The following SLC14A2 variants were observed in gnomAD, a reference collection of about 807,000 sequenced individuals.
The protein encoded by SLC14A2 is urea transporter 2.
SLC14A2 carries 91 observed loss-of-function variants against 104.6 expected under a neutral mutation model. That is an observed-to-expected ratio of 0.87 (90% CI 0.73 to 1.04). The LOEUF (loss-of-function observed/expected upper bound fraction) is 1.04, where lower values mean the gene tolerates loss of function less well. Ranked by LOEUF, SLC14A2 falls within the 50% of genes least tolerant of loss-of-function variation. The probability of loss-of-function intolerance (pLI) is 0.00; values close to 1 mark genes in which losing one functional copy is unlikely to be tolerated. For synonymous variants in SLC14A2, 476 were observed against 466.4 expected (o/e 1.02, Z -0.27); for missense variants, 1,189 against 1,156.0 (o/e 1.03, Z -0.41).
At chr18:45,637,301 G>A (rs2045435021) in intron 6 of SLC14A2, 119 bp downstream of exon 6, 3 of 746,646 alleles carry the variant, frequency 4.0e-6, no homozygotes, top group Non-Finnish European at 6.5e-6. Context: ...ACCAGATGAT[G>A]GGCCTCAGCA....
chr18:45,637,500 G>T lies in SLC14A2; in HGVS notation c.843+318G>T, dbSNP rs1024226980. 7.9e-5 allele frequency among the ~76,000 whole-genome samples: 12 copies of T among 152,312 alleles called. No individual in the cohort carries two copies. In the East Asian group the frequency reaches 2.1e-3, roughly 27 times the overall value. On this transcript the variant is annotated intron_variant, in intron 6 of 19. Coordinates refer to ENST00000255226, the MANE Select transcript of SLC14A2 (RefSeq NM_007163.4). Reference sequence around the variant, plus strand: ...TGAACAGATAAGCGTTGACAGTACAGAACTGTGGTGGTTGAGTGAAAGATA... The same window carrying T: ...TGAACAGATAAGCGTTGACAGTACATAACTGTGGTGGTTGAGTGAAAGATA...
chr18:45,620,494 C>A (rs1684010827), intron 1 of SLC14A2, among the ~76,000 whole-genome samples: 2 of 152,066 alleles, frequency 1.3e-5, no homozygotes, highest in Admixed American at 1.3e-4. Flanking sequence ...AGGTGGAGTA[C>A]CTTTTTGGAG....
At chr18:45,237,744 G>GAT (rs1568115378) in intron 1 of SLC14A2, among the ~76,000 whole-genome samples, 1 of 152,200 alleles carries the variant, frequency 6.6e-6, no homozygotes, top group African/African-American at 2.4e-5. Context: ...GGAGGCAAAA[G>GAT]ATGATTCTCC....
In SLC14A2 at chr18:45,281,003, G is replaced by A. The variant is rs967472495; in HGVS notation, c.-125+67812G>A. Among the ~76,000 whole-genome samples the A allele has an allele frequency of 1.6e-4, 24 of 151,988 alleles. 1 individual carries two copies. Among genetic ancestry groups the A allele is most frequent in the Admixed American group, 9.8e-4 (15 of 15,266 alleles). ...GTCTCCAGCCTCCTCCCCTCCCAAC[G>A]TGCCAAGCCCCACCAAGCAGCCCCT... On this transcript the variant is annotated intron_variant, in intron 1 of 20. Coordinates refer to the SLC14A2 transcript ENST00000586448.
chr18:45,189,931 T>G, the SLC14A2 span, among the ~76,000 whole-genome samples: 2 of 152,058 alleles, frequency 1.3e-5, no homozygotes, highest in South Asian at 2.1e-4. Flanking sequence ...CTCTCAGAGT[T>G]CCCTGGGAAA....
chr18:45,625,530 A>G (rs1316265880), intron 2 of SLC14A2, among the ~76,000 whole-genome samples, 153 bp from the exon 3 acceptor site: 2 of 151,880 alleles, frequency 1.3e-5, no homozygotes, highest in Non-Finnish European at 2.9e-5. Context: ...TGTACGGGGC[A>G]CTCTATGCAG....
intron 1 of SLC14A2, among the ~76,000 whole-genome samples, chr18:45,274,608 C>G (rs1469921323): frequency 6.6e-6 from 1 of 152,210 alleles, no homozygotes; most frequent in Non-Finnish European, 1.5e-5. Flanking sequence ...CTAACAAATT[C>G]TTACTTTCTC....
intron 1 of SLC14A2, among the ~76,000 whole-genome samples, chr18:45,267,603 T>C (rs969073075): frequency 3.9e-5 from 6 of 152,208 alleles, no homozygotes; most frequent in African/African-American, 9.6e-5. Flanking sequence ...CACTAAGATA[T>C]CAAGAACTAC....
chr18:45,441,866 C>T (rs1157588130), intron 1 of SLC14A2, among the ~76,000 whole-genome samples: 1 of 152,170 alleles, frequency 6.6e-6, no homozygotes, highest in East Asian at 1.9e-4. Context: ...AAGAGGGAAA[C>T]TTTATTTTCT....
chr18:45,320,650 C>T (rs1275001429), intron 1 of SLC14A2, among the ~76,000 whole-genome samples: 1 of 152,194 alleles, frequency 6.6e-6, no homozygotes, highest in East Asian at 1.9e-4. Flanking sequence ...ATGGTCTGGA[C>T]TTGCAGCTGA....
At chr18:45,217,855 A>AC (rs2084024747) in intron 1 of SLC14A2, among the ~76,000 whole-genome samples, 1 of 152,162 alleles carries the variant, frequency 6.6e-6, no homozygotes, top group South Asian at 2.1e-4. Context: ...GTGTTGCTTT[A>AC]CCTCCTATAT....
Position 45,462,258 on chromosome 18 carries a change from T to C in SLC14A2, c.-124-20975T>C, listed in dbSNP as rs538163622. Among the ~76,000 whole-genome samples, 3 of 152,270 alleles carry C rather than the reference T, an allele frequency of 2.0e-5. No individual in the cohort carries two copies. In the South Asian group the frequency reaches 6.2e-4, roughly 32 times the overall value. Reference sequence around the variant, plus strand: ...GAATTTCCTCTTCAACTGTCCCCCATAACAGCATCAAAAAGGAAAATAAAA... The same window carrying C: ...GAATTTCCTCTTCAACTGTCCCCCACAACAGCATCAAAAAGGAAAATAAAA... On this transcript the variant is annotated intron_variant, in intron 1 of 20. Transcript: ENST00000586448.
intron 1 of SLC14A2, among the ~76,000 whole-genome samples, chr18:45,248,725 G>C (rs1219418570): frequency 6.6e-6 from 1 of 152,200 alleles, no homozygotes; most frequent in Admixed American, 6.5e-5. Context: ...CCTGTGACTG[G>C]AAGTGACTTG....
At chr18:45,391,486 C>A (rs987676237) in intron 1 of SLC14A2, among the ~76,000 whole-genome samples, 26 of 152,286 alleles carry the variant, frequency 1.7e-4, no homozygotes, top group African/African-American at 6.0e-4. Context: ...TTCTAGATCC[C>A]TGAGGAATCG....
intron 1 of SLC14A2, among the ~76,000 whole-genome samples, chr18:45,386,998 C>T (rs770180724): frequency 6.6e-6 from 1 of 152,318 alleles, no homozygotes; most frequent in Non-Finnish European, 1.5e-5. Context: ...CTTTATCTCC[C>T]TCTAGACCTT....
At chr18:45,431,162 A>G (rs925437255) in intron 1 of SLC14A2, among the ~76,000 whole-genome samples, 3 of 152,188 alleles carry the variant, frequency 2.0e-5, no homozygotes, top group African/African-American at 7.2e-5. Context: ...ATAGTTCTCT[A>G]TATGGTATTC....
At chr18:45,197,467 G>T in the SLC14A2 span, among the ~76,000 whole-genome samples, 5 of 152,270 alleles carry the variant, frequency 3.3e-5, no homozygotes, top group Admixed American at 2.0e-4. Context: ...GATATTCGGG[G>T]TCAAAAACAG....
intron 1 of SLC14A2, among the ~76,000 whole-genome samples, chr18:45,418,208 G>A (rs2086299131): frequency 2.0e-5 from 3 of 152,212 alleles, no homozygotes; most frequent in Non-Finnish European, 2.9e-5. Context: ...GGGGGGAACA[G>A]CAATAAAAGA....
At chr18:45,572,399 C>T (rs982229898) in intron 2 of SLC14A2, among the ~76,000 whole-genome samples, 34 of 152,176 alleles carry the variant, frequency 2.2e-4, no homozygotes, top group Non-Finnish European at 4.9e-4. Flanking sequence ...GGTTCTTTTG[C>T]CTTCTGTCAA....
Sources: gnomAD v4.1 joint callset for allele counts (sites outside exome capture counted in the v4.1 genomes callset) on GRCh38, gnomAD v4.1.1 for gene constraint, MANE v1.5 for transcripts, NCBI Gene and HGNC (gene_info 2026-07-23, HGNC 2026-07-21) for gene names.